CPEB1: variants seen among roughly 807,000 people sequenced by gnomAD.
CPEB1 encodes cytoplasmic polyadenylation element-binding protein 1.
CPEB1 carries 7 observed loss-of-function variants against 65.8 expected under a neutral mutation model. The observed-to-expected ratio is 0.11, with a 90% CI of 0.06 to 0.20. CPEB1 has a LOEUF of 0.20. Ranked by LOEUF, CPEB1 falls within the 10% of genes least tolerant of loss-of-function variation. The pLI is 1.00. For missense variants in CPEB1, 551 were observed against 712.2 expected (o/e 0.77, Z 2.58); for synonymous variants, 262 against 260.0 (o/e 1.01, Z -0.08).
At chr15:82,622,268 C>T (rs994642135) in intron 3 of CPEB1, among the ~76,000 whole-genome samples, 5 of 152,128 alleles carry the variant, frequency 3.3e-5, no homozygotes, top group African/African-American at 1.2e-4. Context: ...TCCTACCACC[C>T]ATCATGCAAC....
At chr15:82,565,130 G>T (rs1418699347) in intron 4 of CPEB1, among the ~76,000 whole-genome samples, 2 of 152,144 alleles carry the variant, frequency 1.3e-5, no homozygotes, top group African/African-American at 2.4e-5. Context: ...CTTGCCAGCT[G>T]GTTTGATATT....
At chr15:82,578,073 G>A (rs2040862674) in intron 3 of CPEB1, among the ~76,000 whole-genome samples, 1 of 152,148 alleles carries the variant, frequency 6.6e-6, no homozygotes, top group Non-Finnish European at 1.5e-5. Flanking sequence ...CCAGGAGGCG[G>A]AGTTTGCAGT....
At chr15:82,639,541 T>C (rs557316922) in intron 1 of CPEB1, among the ~76,000 whole-genome samples, 13 of 152,268 alleles carry the variant, frequency 8.5e-5, no homozygotes, top group Non-Finnish European at 1.9e-4. Context: ...CATTAAAGTA[T>C]AGAACAGTGG....
At chr15:82,551,777 C>A (rs1173399841) in intron 9 of CPEB1, among the ~76,000 whole-genome samples, 1 of 152,146 alleles carries the variant, frequency 6.6e-6, no homozygotes, top group African/African-American at 2.4e-5. Context: ...AAACACTACC[C>A]ACTAGAACCA....
chr15:82,620,627 G>C (rs1044591477), intron 3 of CPEB1, among the ~76,000 whole-genome samples: 1 of 151,904 alleles, frequency 6.6e-6, no homozygotes, highest in African/African-American at 2.4e-5. Flanking sequence ...GCAAGATTCT[G>C]TCTCTACAAA....
intron 3 of CPEB1, among the ~76,000 whole-genome samples, chr15:82,610,625 C>T (rs2044038710): frequency 6.6e-6 from 1 of 151,920 alleles, no homozygotes; most frequent in Admixed American, 6.6e-5. Flanking sequence ...ATCCAATACC[C>T]TTTCATGATA....
chr15:82,578,814 A>C (rs953544252), intron 3 of CPEB1, among the ~76,000 whole-genome samples: 4 of 152,144 alleles, frequency 2.6e-5, no homozygotes, highest in African/African-American at 9.7e-5. Context: ...TCAGTCATAC[A>C]AAATTACATG....
At chr15:82,553,833 T>C (rs751661655) in intron 7 of CPEB1, 45 bp downstream of exon 7, 2 of 1,331,100 alleles carry the variant, frequency 1.5e-6, no homozygotes. Flanking sequence ...CTGAAAGACA[T>C]GCCCCACCCT....
intron 9 of CPEB1, among the ~76,000 whole-genome samples, chr15:82,552,007 A>G (rs1402575438): frequency 6.6e-6 from 1 of 152,210 alleles, no homozygotes; most frequent in Admixed American, 6.5e-5. Flanking sequence ...CTGAATAAGA[A>G]TGAAGAAGTG....
At chr15:82,633,734 A>G (rs957580641) in intron 1 of CPEB1, among the ~76,000 whole-genome samples, 3 of 152,104 alleles carry the variant, frequency 2.0e-5, no homozygotes, top group African/African-American at 7.2e-5. Flanking sequence ...AAGAGCTGAC[A>G]CTCCTATCAT....
chr15:82,578,459 A>T (rs1474305446), intron 3 of CPEB1, among the ~76,000 whole-genome samples: 1 of 152,178 alleles, frequency 6.6e-6, no homozygotes, highest in African/African-American at 2.4e-5. Flanking sequence ...AAATGTATAT[A>T]TACAGTGTTG....
chr15:82,574,722 CAAAAAAAAAAAAAA>C (rs534968367), intron 3 of CPEB1, among the ~76,000 whole-genome samples: 10 of 53,506 alleles, frequency 1.9e-4, no homozygotes, highest in African/African-American at 6.6e-4. Flanking sequence ...GACTCGGTCT[CAAAAAAAAAAAAAA>C]AAAAAAAAAA....
intron 3 of CPEB1, among the ~76,000 whole-genome samples, chr15:82,582,504 G>A (rs916247083): frequency 6.6e-6 from 1 of 152,064 alleles, no homozygotes; most frequent in Admixed American, 6.6e-5. Flanking sequence ...GGCCATAAGC[G>A]ACAAAGCTAC....
At chr15:82,620,093 T>C (rs1199691774) in intron 3 of CPEB1, among the ~76,000 whole-genome samples, 1 of 152,126 alleles carries the variant, frequency 6.6e-6, no homozygotes, top group Non-Finnish European at 1.5e-5. Flanking sequence ...AGTTGCAACA[T>C]GGATGAAACT....
chr15:82,545,968 A>G (rs1030102731), intron 12 of CPEB1, among the ~76,000 whole-genome samples: 8 of 150,954 alleles, frequency 5.3e-5, no homozygotes, highest in African/African-American at 2.0e-4. Context: ...AATTCAACAT[A>G]TTTTCTTAAG....
chr15:82,591,162 C>T (rs942934083), intron 3 of CPEB1, among the ~76,000 whole-genome samples: 21 of 152,168 alleles, frequency 1.4e-4, no homozygotes, highest in Admixed American at 8.5e-4. Flanking sequence ...TTTTCCCCCC[C>T]GCCACAATCT....
At chr15:82,631,328 T>C (rs1484033169) in intron 1 of CPEB1, among the ~76,000 whole-genome samples, 1 of 152,028 alleles carries the variant, frequency 6.6e-6, no homozygotes, top group Admixed American at 6.6e-5. Context: ...TAGCTTAAGA[T>C]GACATTATAA....
chr15:82,630,450 C>G (rs745383993), intron 1 of CPEB1, among the ~76,000 whole-genome samples: 1 of 151,986 alleles, frequency 6.6e-6, no homozygotes, highest in Non-Finnish European at 1.5e-5. Flanking sequence ...ACAAAAAATA[C>G]AAAACATTAG....
chr15:82,628,630 G>T, intron 1 of CPEB1, 74 bp from the exon 2 acceptor site: 1 of 593,162 alleles, frequency 1.7e-6, no homozygotes. Flanking sequence ...CAAAAAGTCA[G>T]ACAGAAATTA....
Sources: allele counts gnomAD v4.1 joint callset (sites outside exome capture counted in the v4.1 genomes callset), GRCh38; gene constraint gnomAD v4.1.1; transcripts MANE v1.5; gene names NCBI Gene and HGNC (gene_info 2026-07-23, HGNC 2026-07-21).